The following PHACTR3 variants were observed in gnomAD, a reference collection of about 807,000 sequenced individuals.
PHACTR3 encodes the protein phosphatase and actin regulator 3, also known as protein phosphatase 1, regulatory subunit 123.
A neutral mutation model predicts 66.8 loss-of-function variants in PHACTR3; 16 were observed. The ratio of observed to expected loss-of-function variants is 0.24; its 90% confidence interval spans 0.16 to 0.36. PHACTR3 has a LOEUF of 0.36. PHACTR3 is among the 10% of genes least tolerant of loss of function. PHACTR3 has a pLI of 1.00. For synonymous variants in PHACTR3, 323 were observed against 292.1 expected, an observed-to-expected ratio of 1.11 and a Z score of -1.08; for missense variants, 647 against 719.9, an observed-to-expected ratio of 0.90 and a Z score of 1.16.
intron 1 of PHACTR3, among the ~76,000 whole-genome samples, chr20:59,636,949 A>G (rs2034919748): frequency 6.6e-6 from 1 of 152,202 alleles, no homozygotes; most frequent in South Asian, 2.1e-4. Flanking sequence ...CAAGGGCCCT[A>G]TTGAAAGCCC....
intron 3 of PHACTR3, among the ~76,000 whole-genome samples, chr20:59,749,726 A>C (rs891157911): frequency 2.0e-5 from 3 of 152,250 alleles, no homozygotes; most frequent in Non-Finnish European, 4.4e-5. Flanking sequence ...CAAAACATGC[A>C]TGAGAGGGCA....
chr20:59,585,508 G>A (rs1192736878), intron 1 of PHACTR3, among the ~76,000 whole-genome samples: 1 of 152,132 alleles, frequency 6.6e-6, no homozygotes, highest in African/African-American at 2.4e-5. Flanking sequence ...ACTCAAACTG[G>A]GGGTGGTCCT....
chr20:59,588,565 C>A (rs1420873299), intron 1 of PHACTR3, among the ~76,000 whole-genome samples: 4 of 152,200 alleles, frequency 2.6e-5, no homozygotes, highest in Non-Finnish European at 5.9e-5. Context: ...CGCTTCTACT[C>A]ATGCTGGGGC....
intron 1 of PHACTR3, among the ~76,000 whole-genome samples, chr20:59,669,491 G>A (rs187808929): frequency 3.3e-5 from 5 of 152,266 alleles, no homozygotes; most frequent in Admixed American, 1.3e-4. Context: ...TTCACATATC[G>A]TGCAGCTCAC....
At chr20:59,749,766 G>T (rs1206446566) in intron 3 of PHACTR3, among the ~76,000 whole-genome samples, 1 of 152,160 alleles carries the variant, frequency 6.6e-6, no homozygotes, top group Non-Finnish European at 1.5e-5. Flanking sequence ...CTTTATTTAT[G>T]GCCACTGGCC....
intron 8 of PHACTR3, among the ~76,000 whole-genome samples, chr20:59,809,937 T>G (rs1019263827): frequency 2.6e-5 from 4 of 152,210 alleles, no homozygotes; most frequent in Non-Finnish European, 5.9e-5. Flanking sequence ...TGTACCGTGT[T>G]TAAAAATCCT....
At chr20:59,741,032 T>C (rs1318558921) in intron 1 of PHACTR3, among the ~76,000 whole-genome samples, 1 of 152,210 alleles carries the variant, frequency 6.6e-6, no homozygotes, top group African/African-American at 2.4e-5. Context: ...CCCCGGCCCC[T>C]TGGACACTGG....
chr20:59,803,806 A>C (rs1272701677), intron 7 of PHACTR3, among the ~76,000 whole-genome samples: 1 of 152,194 alleles, frequency 6.6e-6, no homozygotes, highest in East Asian at 1.9e-4. Context: ...TGTTTGTCCC[A>C]ATCATTTTAG....
intron 11 of PHACTR3, chr20:59,843,907 A>G (rs773390243): frequency 6.6e-6 from 1 of 152,120 alleles, no homozygotes; most frequent in Non-Finnish European, 1.5e-5. Context: ...GAAAATATTA[A>G]TATCTGCAAA....
intron 9 of PHACTR3, among the ~76,000 whole-genome samples, chr20:59,839,913 T>A (rs2059028000): frequency 6.6e-6 from 1 of 152,262 alleles, no homozygotes; most frequent in African/African-American, 2.4e-5. Context: ...TTAAAAAGTC[T>A]GTACGCTTAT....
intron 9 of PHACTR3, among the ~76,000 whole-genome samples, chr20:59,839,761 A>G (rs2059025474): frequency 6.6e-6 from 1 of 152,210 alleles, no homozygotes; most frequent in South Asian, 2.1e-4. Flanking sequence ...GCACTGTCAT[A>G]TAACAGTGTT....
At chr20:59,666,554 CAA>C (rs912136624) in intron 1 of PHACTR3, among the ~76,000 whole-genome samples, 6 of 146,660 alleles carry the variant, frequency 4.1e-5, no homozygotes, top group Middle Eastern at 3.3e-3. Flanking sequence ...GAGAGAGAGA[CAA>C]AGAGAGACAG....
intron 1 of PHACTR3, among the ~76,000 whole-genome samples, chr20:59,639,048 T>A (rs965377535): frequency 2.0e-4 from 27 of 138,068 alleles, no homozygotes; most frequent in African/African-American, 7.5e-4. Flanking sequence ...GATGGATAAA[T>A]GGAGATGGAT....
chr20:59,772,746 C>T (rs959231047), intron 5 of PHACTR3, among the ~76,000 whole-genome samples: 18 of 152,150 alleles, frequency 1.2e-4, no homozygotes, highest in Admixed American at 5.9e-4. Flanking sequence ...GAGAGTGATC[C>T]AATTCACCTT....
chr20:59,643,164 G>A (rs2035165448), intron 1 of PHACTR3, among the ~76,000 whole-genome samples: 1 of 152,182 alleles, frequency 6.6e-6, no homozygotes, highest in South Asian at 2.1e-4. Flanking sequence ...GCCCGCCTCG[G>A]CCTCCCAAAG....
At chr20:59,714,825 A>G (rs565092361) in intron 1 of PHACTR3, among the ~76,000 whole-genome samples, 8 of 152,180 alleles carry the variant, frequency 5.3e-5, no homozygotes, top group Non-Finnish European at 1.0e-4. Context: ...GGTATATCCC[A>G]CCTTGTATTT....
At chr20:59,596,236 A>G (rs760301330) in intron 1 of PHACTR3, among the ~76,000 whole-genome samples, 1 of 152,164 alleles carries the variant, frequency 6.6e-6, no homozygotes, top group Non-Finnish European at 1.5e-5. Flanking sequence ...CCTAGATTCA[A>G]GCGATTCTCC....
At chr20:59,727,879 A>G (rs1011872864) in intron 1 of PHACTR3, among the ~76,000 whole-genome samples, 1 of 152,174 alleles carries the variant, frequency 6.6e-6, no homozygotes. Flanking sequence ...GTTTCGGATC[A>G]AGAATACTGC....
chr20:59,588,070 G>T (rs1439282588), intron 1 of PHACTR3, among the ~76,000 whole-genome samples: 2 of 152,208 alleles, frequency 1.3e-5, no homozygotes, highest in Admixed American at 1.3e-4. Flanking sequence ...GTCACCGGGG[G>T]TCGGGAGTCC....
Sources: gnomAD v4.1 joint callset for allele counts (sites outside exome capture counted in the v4.1 genomes callset) on GRCh38, gnomAD v4.1.1 for gene constraint, MANE v1.5 for transcripts, NCBI Gene and HGNC (gene_info 2026-07-23, HGNC 2026-07-21) for gene names.